Variants in MACF1 observed in about 807,000 individuals in gnomAD.
MACF1 encodes the protein microtubule actin crosslinking factor 1.
MACF1 carries 193 observed loss-of-function variants against 854.8 expected under a neutral mutation model. The ratio of observed to expected loss-of-function variants is 0.23; its 90% confidence interval spans 0.20 to 0.25. The LOEUF (loss-of-function observed/expected upper bound fraction) is 0.25, where lower values mean the gene tolerates loss of function less well. Ranked by LOEUF, MACF1 falls within the 10% of genes least tolerant of loss-of-function variation. The pLI is 1.00. For synonymous variants in MACF1, 3,185 were observed against 3,226.7 expected (o/e 0.99, Z 0.44); for missense variants, 7,722 against 8,929.1 (o/e 0.86, Z 5.45).
intron 2 of MACF1, among the ~76,000 whole-genome samples, chr1:39,155,426 TTAA>T (rs960374928): frequency 6.6e-6 from 1 of 152,188 alleles, no homozygotes; most frequent in South Asian, 2.1e-4. Flanking sequence ...TGAATAGACT[TTAA>T]AAAAGCAAAA....
At chr1:39,425,329 C>T (rs941921286) in intron 61 of MACF1, among the ~76,000 whole-genome samples, 2 of 152,134 alleles carry the variant, frequency 1.3e-5, no homozygotes, top group African/African-American at 4.8e-5. Flanking sequence ...AATCACTCTA[C>T]CACTAACCCT....
chr1:39,397,129 G>A (rs1282249741), intron 58 of MACF1, among the ~76,000 whole-genome samples: 1 of 152,170 alleles, frequency 6.6e-6, no homozygotes, highest in African/African-American at 2.4e-5. Flanking sequence ...GTTGCTCTGT[G>A]CTAGTCCTTG....
chr1:39,403,040 T>C (rs994557171), intron 58 of MACF1, among the ~76,000 whole-genome samples: 2 of 151,388 alleles, frequency 1.3e-5, no homozygotes, highest in Non-Finnish European at 2.9e-5. Flanking sequence ...TTCTCTCTCT[T>C]TTGTTTTTTT....
At chr1:39,211,695 A>G (rs1644518910) in intron 1 of MACF1, among the ~76,000 whole-genome samples, 1 of 152,130 alleles carries the variant, frequency 6.6e-6, no homozygotes, top group Admixed American at 6.5e-5. Context: ...AGCCTGGCCA[A>G]GATGGTAAAA....
intron 58 of MACF1, among the ~76,000 whole-genome samples, chr1:39,395,169 T>G (rs1159483483): frequency 1.3e-5 from 2 of 152,202 alleles, no homozygotes; most frequent in Non-Finnish European, 2.9e-5. Context: ...GAAGCTGTCC[T>G]GTGCATTGTA....
rs568998816 is a variant in MACF1, at chr1:39,292,143, A to G, written c.1914+105A>G. On this transcript the variant is annotated intron_variant, in intron 16 of 100. Coordinates refer to ENST00000564288, the MANE Select transcript of MACF1 (RefSeq NM_001394062.1). The stretch of plus-strand genomic sequence containing the variant: ...ATTGAAGGAGGAGGGTGCTCTGGAA[A>G]AGAATAATGATGATGAAGAGCGGTT... 1.1e-5 allele frequency: 15 copies of G among 1,316,328 alleles called. No individual in the cohort carries two copies. The Admixed American group carries it at 3.0e-4, about 26-fold the overall frequency. The allele number at this position is 1,316,328 out of a possible 1,614,324, so 81.5% of individuals were successfully genotyped here.
chr1:39,413,082 C>A (rs766207387), intron 58 of MACF1: 2 of 1,603,070 alleles, frequency 1.2e-6, no homozygotes. Flanking sequence ...TTGCAGCAGC[C>A]ATCACACAGG....
At chr1:39,127,624 A>G (rs1642892475) in intron 2 of MACF1, among the ~76,000 whole-genome samples, 1 of 152,118 alleles carries the variant, frequency 6.6e-6, no homozygotes, top group South Asian at 2.1e-4. Context: ...CTTTTCCTTC[A>G]CTTCCTTGAA....
intron 2 of MACF1, among the ~76,000 whole-genome samples, chr1:39,096,774 C>G (rs1037825063): frequency 2.0e-5 from 3 of 151,970 alleles, no homozygotes; most frequent in Non-Finnish European, 4.4e-5. Flanking sequence ...ACTACCTTTC[C>G]TCTAGTAGTA....
intron 70 of MACF1, among the ~76,000 whole-genome samples, chr1:39,436,666 T>G (rs1643984467): frequency 6.6e-6 from 1 of 152,190 alleles, no homozygotes; most frequent in African/African-American, 2.4e-5. Flanking sequence ...GAAGTGATGT[T>G]GTTAAGGAAT....
At chr1:39,300,862 G>GCAAAATATACAAAATATA (rs1264980362) in intron 22 of MACF1, among the ~76,000 whole-genome samples, 29 of 152,150 alleles carry the variant, frequency 1.9e-4, no homozygotes, top group African/African-American at 7.0e-4. Flanking sequence ...TTGCGTCTCT[G>GCAAAATATACAAAATATA]CAAAATATAC....
chr1:39,367,594 A>G (rs776704724), intron 49 of MACF1, among the ~76,000 whole-genome samples: 14 of 152,164 alleles, frequency 9.2e-5, no homozygotes, highest in Non-Finnish European at 1.3e-4. Flanking sequence ...TTAGTAGCTT[A>G]AGATCACAAG....
chr1:39,332,999 T>C lies in MACF1; in HGVS notation c.6411T>C (p.Ala2137=), dbSNP rs780900787. 1.2e-6 allele frequency: 2 copies of C among 1,614,112 alleles called. No individual in the cohort carries two copies. The highest frequency in any genetic ancestry group is 4.5e-5 in the East Asian group (2 of 44,886). ...GACACCTCCTGACCATACCTCCTGC[T>C]GAGGCGGAAGGTGTGCCGTTGGTGG... ...SRGHLLTIPP[A]EAEGVPLVVD... is the part of the protein sequence containing the mutation. The change falls in exon 37 of 101, where the codon GCT becomes GCC. Residue 2137 remains alanine, a synonymous_variant. Coordinates refer to ENST00000564288, the MANE Select transcript of MACF1 (RefSeq NM_001394062.1).
In MACF1 at chr1:39,084,331, C is replaced by A. The variant is rs1293048596; in HGVS notation, c.113C>A (p.Pro38His). ...CGGTCGGGGAGCCTGTCTCCCTGTCCCCCAGGGGACACCTTGCCCTGGAAC... is the reference window on the plus strand; with the variant it reads ...CGGTCGGGGAGCCTGTCTCCCTGTCACCCAGGGGACACCTTGCCCTGGAAC... Residue 38 changes from proline to histidine, a missense_variant, in exon 2 of 94, where the codon CCC (proline) becomes CAC (histidine). Physicochemically the swap from Pro to His is moderately conservative, Grantham distance 77 (BLOSUM62 -2). Transcript: ENST00000361689. This position sits in a 1 kb window ranked among gnomAD's most constrained non-coding sequence, Gnocchi z 5.2. 1 of 1,614,006 alleles carries A rather than the reference C, an allele frequency of 6.2e-7. No homozygotes were observed.
At position 39,233,793 on chromosome 1, in the gene MACF1, T is replaced by A. The variant is rs577596942; in HGVS notation, c.171+2550T>A. On this transcript the variant is annotated intron_variant, in intron 2 of 100. Coordinates refer to ENST00000564288, the MANE Select transcript of MACF1 (RefSeq NM_001394062.1). ...GCCATAGCTTTTTTTTTTTTTTTTT[T>A]TTTTATTTATTTTTTATTGATAATT... 1.0e-3 allele frequency among the ~76,000 whole-genome samples: 91 copies of A among 89,538 alleles called. 2 individuals carry two copies. Among genetic ancestry groups the A allele is most frequent in the African/African-American group, 2.7e-3 (86 of 31,898 alleles). The allele number at this position is 89,538 out of a possible 152,430, so 58.7% of individuals were successfully genotyped here.
intron 37 of MACF1, 149 bp downstream of exon 37, chr1:39,336,802 T>G: frequency 1.2e-6 from 1 of 804,904 alleles, no homozygotes; most frequent in Non-Finnish European, 1.8e-6. Flanking sequence ...ATAACTTAGT[T>G]TATCATCATC....
rs1019075965 is a variant in MACF1 at position 39,105,097 on chromosome 1, G to A, written c.220+20659G>A. Among the ~76,000 whole-genome samples the A allele has an allele frequency of 7.9e-5, 12 of 152,082 alleles. No individual in the cohort carries two copies. Among genetic ancestry groups the A allele is most frequent in the Non-Finnish European group, 1.8e-4 (12 of 67,984 alleles). On this transcript the variant is annotated intron_variant, in intron 2 of 93. Transcript: ENST00000361689. The surrounding 1 kb of genome is among the most constrained non-coding windows in gnomAD (Gnocchi z 5.9). ...GGCCGGCCCAGCCTTTCATCCTGAC[G>A]CGCGGGGCCTCCCACCCAGCGGGAC...
intron 58 of MACF1, among the ~76,000 whole-genome samples, chr1:39,418,577 A>G (rs1464344032): frequency 6.6e-6 from 1 of 152,244 alleles, no homozygotes; most frequent in African/African-American, 2.4e-5. Flanking sequence ...AAATGCAATA[A>G]CAAGGCTGGA....
In MACF1 at chr1:39,254,301, C is replaced by G; in HGVS notation, c.361C>G (p.Arg121Gly). 1 of 1,613,758 alleles carries G rather than the reference C, an allele frequency of 6.2e-7. No homozygotes were observed. The highest frequency in any genetic ancestry group is 8.5e-7 in the Non-Finnish European group (1 of 1,179,720). Residue 121 changes from arginine (R) to glycine (G), a missense_variant, in exon 5 of 101, where the codon CGG becomes GGG. Coordinates refer to ENST00000564288, the MANE Select transcript of MACF1 (RefSeq NM_001394062.1). ...QAEEDDDDVP[R>G]EKGRMRFHRL... Reference sequence around the variant, plus strand: ...CCCTTTTTTTGTTTGTTTGCAGCCCCGGGAGAAGGGCAGGATGCGTTTTCA... The same window carrying G: ...CCCTTTTTTTGTTTGTTTGCAGCCCGGGGAGAAGGGCAGGATGCGTTTTCA...
Sources: allele counts gnomAD v4.1 joint callset (sites outside exome capture counted in the v4.1 genomes callset), GRCh38; gene constraint gnomAD v4.1.1; non-coding constraint Gnocchi (gnomAD v3.1); transcripts MANE v1.5; gene names NCBI Gene and HGNC (gene_info 2026-07-23, HGNC 2026-07-21).